GSN: variants seen among roughly 807,000 people sequenced by gnomAD.
GSN encodes the protein actin-depolymerizing factor.
Under a neutral mutation model 85.7 loss-of-function variants are expected in GSN, and 56 were observed. The observed-to-expected ratio is 0.65, with a 90% CI of 0.53 to 0.82. The LOEUF (loss-of-function observed/expected upper bound fraction) is 0.82, where lower values mean the gene tolerates loss of function less well. Among genes scored for constraint, GSN ranks in the 40% least tolerant of loss-of-function variants. GSN has a pLI of 0.00. For synonymous variants in GSN, 373 were observed against 399.1 expected, an observed-to-expected ratio of 0.93 and a Z score of 0.78; for missense variants, 857 against 979.8, an observed-to-expected ratio of 0.87 and a Z score of 1.67.
chr9:121,268,883 A>G (rs2055474499), intron 1 of GSN, among the ~76,000 whole-genome samples: 1 of 152,126 alleles, frequency 6.6e-6, no homozygotes, highest in Non-Finnish European at 1.5e-5. Flanking sequence ...CCAGCCCCCC[A>G]GAACCTAAAT....
chr9:121,303,220 C>T (rs2060080775), intron 4 of GSN, among the ~76,000 whole-genome samples, 155 bp downstream of exon 4: 1 of 152,218 alleles, frequency 6.6e-6, no homozygotes, highest in Admixed American at 6.5e-5. Context: ...AAATCCTGGC[C>T]TCTTTCTAGC....
chr9:121,206,561 GTGTCACAGCTTA>G (rs2053884506), upstream of GSN, among the ~76,000 whole-genome samples: 1 of 151,768 alleles, frequency 6.6e-6, no homozygotes, highest in Admixed American at 6.6e-5. Flanking sequence ...ATATCCTCTC[GTGTCACAGCTTA>G]TGAGGGCATG....
chr9:121,216,892 G>T (rs2054074001), intron 4 of GSN, among the ~76,000 whole-genome samples: 1 of 152,184 alleles, frequency 6.6e-6, no homozygotes, highest in South Asian at 2.1e-4. Flanking sequence ...TCTTCTGAGG[G>T]TTGGTTTCTT....
At position 121,329,310 on chromosome 9, in the gene GSN, G is replaced by C. The variant is rs377710586; in HGVS notation, c.1960G>C (p.Asp654His). 6.3e-7 allele frequency: 1 copy of C among 1,590,288 alleles called. No homozygotes were observed. Among genetic ancestry groups the C allele is most frequent in the Non-Finnish European group, 8.6e-7 (1 of 1,158,280 alleles). ...TGACGTCATGCTTCTGGACACCTGG[G>C]ACCAGGTGGGTGAAGGACAGGTGAA... ...TDDVMLLDTW[D>H]QVFVWVGKDS... Residue 654 changes from aspartate (D) to histidine (H), a missense_variant, in exon 16 of 18, where the codon GAC (aspartate) becomes CAC (histidine). Asp to His is a moderately conservative substitution (Grantham distance 81). Coordinates refer to ENST00000432226, the MANE Select transcript of GSN (RefSeq NM_198252.3). The surrounding 1 kb of genome is among the most constrained non-coding windows in gnomAD (Gnocchi z 4.6).
At chr9:121,323,717 A>G (rs1272917337) in intron 11 of GSN, among the ~76,000 whole-genome samples, 3 of 152,068 alleles carry the variant, frequency 2.0e-5, no homozygotes, top group Non-Finnish European at 4.4e-5. Flanking sequence ...AGGATCCCAC[A>G]TGGCATTTAC....
chr9:121,230,587 A>G (rs2054368376), intron 4 of GSN, among the ~76,000 whole-genome samples: 1 of 152,216 alleles, frequency 6.6e-6, no homozygotes. Flanking sequence ...AGACTCAAGC[A>G]GATTCAGCCC....
chr9:121,321,399 C>G lies in GSN; in HGVS notation c.1323C>G (p.Asn441Lys), dbSNP rs1377489093. 3 of 1,613,974 alleles carry G rather than the reference C, an allele frequency of 1.9e-6. No homozygotes were observed. Among genetic ancestry groups the G allele is most frequent in the African/African-American group, 2.7e-5 (2 of 75,038 alleles). ...GCCGCCAGGGGCAGATAATCTATAA[C>G]TGGTGAGGTTCTGGGGCCATTGGTG... ...HGGRQGQIIY[N>K]WQGAQSTQDE... is the part of the protein sequence containing the mutation. Residue 441 changes from asparagine to lysine, a missense_variant and splice_region_variant, in exon 11 of 18, where the codon AAC (asparagine) becomes AAG (lysine). Transcript: ENST00000432226.
Position 121,326,531 on chromosome 9 carries a change from A to T in GSN, c.1436A>T (p.Lys479Met). 6.2e-7 allele frequency: 1 copy of T among 1,613,872 alleles called. No homozygotes were observed. Among genetic ancestry groups the T allele is most frequent in the Non-Finnish European group, 8.5e-7 (1 of 1,180,014 alleles). Residue 479 changes from lysine (K) to methionine (M), a missense_variant, in exon 13 of 18, where the codon AAG becomes ATG. By Grantham distance (95) the Lys-to-Met change is moderately conservative. Coordinates refer to ENST00000432226, the MANE Select transcript of GSN (RefSeq NM_198252.3). Reference protein sequence around the residue: ...TPVQSRVVQGKEPAHLMSLFG... With the variant: ...TPVQSRVVQGMEPAHLMSLFG... ...TGCCAGAGCCGTGTGGTCCAAGGCA[A>T]GGAGCCCGCCCACCTCATGAGCCTG...
intron 5 of GSN, among the ~76,000 whole-genome samples, chr9:121,245,349 TTTTC>T (rs142621832): frequency 0.19 from 29,166 of 151,808 alleles, 2,936 homozygotes; most frequent in African/African-American, 0.24. Flanking sequence ...GCATTATACC[TTTTC>T]TTTCTTTCTT....
At chr9:121,256,879 A>C (rs182058997) in intron 6 of GSN, among the ~76,000 whole-genome samples, 25 of 152,208 alleles carry the variant, frequency 1.6e-4, no homozygotes, top group Non-Finnish European at 8.8e-5. Context: ...AAACAGAATG[A>C]GACTCCATCT....
At chr9:121,204,917 G>A (rs1290947975), upstream of GSN, among the ~76,000 whole-genome samples, 1 of 152,120 alleles carries the variant, frequency 6.6e-6, no homozygotes, top group Non-Finnish European at 1.5e-5. Context: ...TAAGAGGAGG[G>A]CAAAGAAGAC....
chr9:121,224,242 G>T (rs1469836122), intron 4 of GSN, among the ~76,000 whole-genome samples: 4 of 151,908 alleles, frequency 2.6e-5, no homozygotes, highest in African/African-American at 9.7e-5. Context: ...GACTACAGGC[G>T]CCCGTCACCA....
At chr9:121,317,033 G>A (rs1564541374) in intron 7 of GSN, 53 bp from the exon 8 acceptor site, 1 of 1,612,538 alleles carries the variant, frequency 6.2e-7, no homozygotes, top group Non-Finnish European at 8.5e-7. Flanking sequence ...AAGTCTCAGG[G>A]CTGGGCGGCC....
chr9:121,298,441 C>G (rs1351586025), intron 2 of GSN, among the ~76,000 whole-genome samples: 3 of 152,148 alleles, frequency 2.0e-5, no homozygotes, highest in African/African-American at 7.2e-5. Flanking sequence ...TAGGTGGGAG[C>G]AAGTTGTGGG....
At chr9:121,231,572 A>G (rs1182148667) in intron 5 of GSN, among the ~76,000 whole-genome samples, 3 of 152,192 alleles carry the variant, frequency 2.0e-5, no homozygotes, top group Non-Finnish European at 4.4e-5. Flanking sequence ...ACAAAATAAC[A>G]GTAATGTCAG....
At chr9:121,228,218 A>G (rs1165598646) in intron 4 of GSN, among the ~76,000 whole-genome samples, 2 of 151,734 alleles carry the variant, frequency 1.3e-5, no homozygotes, top group South Asian at 2.1e-4. Flanking sequence ...CCCAGCTCCT[A>G]GCACAGACCC....
At chr9:121,276,172 G>A (rs79260764) in intron 1 of GSN, among the ~76,000 whole-genome samples, 4,721 of 152,290 alleles carry the variant, frequency 0.031, 121 homozygotes, top group Middle Eastern at 0.051. Flanking sequence ...AAAATATAAT[G>A]CACTATTTAT....
chr9:121,298,046 C>T (rs139027197), intron 2 of GSN, among the ~76,000 whole-genome samples: 1 of 152,174 alleles, frequency 6.6e-6, no homozygotes, highest in Non-Finnish European at 1.5e-5. Flanking sequence ...CCACTGCAGG[C>T]TGGGCAGGCC....
chr9:121,251,187 C>CTTTTTGTTTTTTTTTTTTTTTTTTT (rs2054825447), intron 6 of GSN, among the ~76,000 whole-genome samples: 1 of 73,044 alleles, frequency 1.4e-5, no homozygotes, highest in Non-Finnish European at 2.2e-5. Context: ...CTGATGTGTT[C>CTTTTTGTTTTTTTTTTTTTTTTTTT]TTTTTTTTTT....
Sources: allele counts gnomAD v4.1 joint callset (sites outside exome capture counted in the v4.1 genomes callset), GRCh38; gene constraint gnomAD v4.1.1; non-coding constraint Gnocchi (gnomAD v3.1); transcripts MANE v1.5; gene names NCBI Gene and HGNC (gene_info 2026-07-23, HGNC 2026-07-21).